Variants in GHDC observed in about 807,000 individuals in gnomAD.
GHDC encodes the protein GH3 domain containing.
GHDC carries 39 observed loss-of-function variants against 51.5 expected under a neutral mutation model. That is an observed-to-expected ratio of 0.76 (90% CI 0.59 to 0.99). GHDC has a LOEUF of 0.99. Ranked by LOEUF, GHDC falls within the 50% of genes least tolerant of loss-of-function variation. The pLI is 0.00. For synonymous variants in GHDC, 282 were observed against 305.2 expected (o/e 0.92, Z 0.79); for missense variants, 610 against 672.8 (o/e 0.91, Z 1.03).
At chr17:42,189,993 C>T (rs1273173535) in intron 9 of GHDC, 72 bp from the exon 10 acceptor site, 2 of 1,377,906 alleles carry the variant, frequency 1.5e-6, no homozygotes, top group East Asian at 5.0e-5. Context: ...GTGGCTGTGC[C>T]CAGGCTACAT....
At chr17:42,191,237 C>T (rs780666704) in intron 5 of GHDC, 27 bp from the exon 6 acceptor site, 38 of 1,476,442 alleles carry the variant, frequency 2.6e-5, no homozygotes, top group Non-Finnish European at 3.0e-5. Flanking sequence ...GCCTCCTCAG[C>T]GTCTGCTGGT....
At chr17:42,190,347 G>C (rs751857646) in intron 8 of GHDC, 77 bp from the exon 9 acceptor site, 1 of 1,612,554 alleles carries the variant, frequency 6.2e-7, no homozygotes, top group South Asian at 1.1e-5. Flanking sequence ...TGCCCTATCT[G>C]TTCTTCCCCA....
At position 42,189,800 on chromosome 17, in the gene GHDC, AG is replaced by A; in HGVS notation, c.1495del (p.Leu499SerfsTer65). ...QGAFRALRAALAACPSSPFPP... is the reference protein window; with the variant it reads ...QGAFRALRAAXAACPSSPFPP... ...GAAGGGGGAGGAGGGGCAGGCAGCGAGGGCTGCCCGGAGTGCTCGGAAGGCT... is the reference window on the plus strand; with the variant it reads ...GAAGGGGGAGGAGGGGCAGGCAGCGAGGCTGCCCGGAGTGCTCGGAAGGCT... On this transcript the variant is annotated frameshift_variant, in exon 10 of 10. Coordinates refer to ENST00000587427, the MANE Select transcript of GHDC (RefSeq NM_032484.5). LOFTEE classifies it high-confidence loss of function. 1 of 1,551,712 alleles carries A rather than the reference AG, an allele frequency of 6.4e-7. No individual in the cohort carries two copies.
rs190646764 is a variant in GHDC at position 42,192,424 on chromosome 17, G to T, written c.706C>A (p.Arg236=). The change falls in exon 5 of 10, where the codon CGG becomes AGG. Residue 236 remains arginine, a synonymous_variant. Transcript: ENST00000587427. ...AGGGCCTCCCGGAGCTCAGCTGCCC[G>T]TTCACGGAGAGGCGCTCCAGGGTTC... ...AGNPGAPLRE[R]AAELREALEQ... 8 of 1,613,120 alleles carry T rather than the reference G, an allele frequency of 5.0e-6. No individual in the cohort carries two copies. The highest frequency in any genetic ancestry group is 1.3e-5 in the African/African-American group (1 of 74,940).
In GHDC at chr17:42,191,077, G is replaced by T. The variant is rs757257046; in HGVS notation, c.1023C>A (p.Ala341=). ...CATACTCCTTGCCCTGCTGGGCCTC[G>T]GCCAAAAGGAGGGTGGAGGCAGCTT... ...QEEAASTLLL[A]EAQQGKEYEL... The change falls in exon 6 of 10, where the codon GCC becomes GCA. Residue 341 remains alanine, a synonymous_variant. Coordinates refer to ENST00000587427, the MANE Select transcript of GHDC (RefSeq NM_032484.5). 3 of 1,580,808 alleles carry T rather than the reference G, an allele frequency of 1.9e-6. No individual in the cohort carries two copies. Among genetic ancestry groups the T allele is most frequent in the Non-Finnish European group, 2.6e-6 (3 of 1,165,538 alleles).
rs148054668 is a variant in GHDC at position 42,189,472 on chromosome 17, C to T, written c.*231G>A. On this transcript the variant is annotated 3_prime_UTR_variant, in exon 10 of 10. Coordinates refer to ENST00000587427, the MANE Select transcript of GHDC (RefSeq NM_032484.5). ...AACTCTCTAGCAGTGTCCTTCATGC[C>T]GGGACATGGGGACACGGGCAGGCAC... is the stretch of plus-strand genomic sequence containing the variant. The T allele has an allele frequency of 4.1e-3, 1,693 of 414,228 alleles. 23 individuals are homozygous for T. The highest frequency in any genetic ancestry group is 0.032 in the African/African-American group (1,559 of 48,944). 25.7% of individuals were successfully genotyped at this position (414,228 alleles called of 1,614,324 possible). A position where few individuals can be genotyped will look rare whatever the true frequency, so the allele number is the denominator to read the frequency against.
At chr17:42,190,098 C>T in intron 9 of GHDC, 87 bp downstream of exon 9, 1 of 1,498,502 alleles carries the variant, frequency 6.7e-7, no homozygotes. Context: ...CACCCCTCTC[C>T]TTCCCATCAG....
chr17:42,190,422 G>T, intron 8 of GHDC, 152 bp from the exon 9 acceptor site: 1 of 1,514,742 alleles, frequency 6.6e-7, no homozygotes, highest in South Asian at 1.2e-5. Flanking sequence ...GAGGAACCTA[G>T]AGCTTGATCC....
Position 42,192,947 on chromosome 17 carries a change from G to T in GHDC, c.346C>A (p.Pro116Thr). The T allele has an allele frequency of 1.9e-6, 3 of 1,614,118 alleles. No homozygotes were observed. Among genetic ancestry groups the T allele is most frequent in the Non-Finnish European group, 2.5e-6 (3 of 1,180,004 alleles). ...CCAAGGTCCTGGTTTGAGGTCGGGG[G>T]CAGTGGCTGCTCTCCACTGTCTTCC... Reference protein sequence around the residue: ...QQEDSGEQPLPPTSNQDLGEA... With the variant: ...QQEDSGEQPLTPTSNQDLGEA... Residue 116 changes from proline to threonine, a missense_variant, in exon 4 of 10, where the codon CCC becomes ACC. By Grantham distance (38) the Pro-to-Thr change is conservative. Coordinates refer to ENST00000587427, the MANE Select transcript of GHDC (RefSeq NM_032484.5).
chr17:42,190,898 C>A lies in GHDC; in HGVS notation c.1088G>T (p.Arg363Leu), dbSNP rs368672520. The stretch of plus-strand genomic sequence containing the variant: ...AACCACTCGCACCACATCACCCAGG[C>A]GGCACCTGATGGGGTGCAAGTGGGA... ...LTDRASLTRC[R>L]LGDVVRVVGA... The change falls in exon 7 of 10, where the codon CGC (arginine) becomes CTC (leucine). Residue 363 changes from arginine to leucine, a missense_variant. Coordinates refer to ENST00000587427, the MANE Select transcript of GHDC (RefSeq NM_032484.5). The A allele has an allele frequency of 1.3e-5, 21 of 1,607,278 alleles. No homozygotes were observed. The highest frequency in any genetic ancestry group is 1.8e-5 in the Non-Finnish European group (21 of 1,177,740).
At position 42,192,270 on chromosome 17, in the gene GHDC, A is replaced by G; in HGVS notation, c.860T>C (p.Phe287Ser). The G allele has an allele frequency of 1.3e-6, 2 of 1,561,796 alleles. No homozygotes were observed. Among genetic ancestry groups the G allele is most frequent in the South Asian group, 1.2e-5 (1 of 82,718 alleles). The change falls in exon 5 of 10, where the codon TTC becomes TCC. Residue 287 changes from phenylalanine to serine, a missense_variant. Phe to Ser is a radical substitution (Grantham distance 155). Transcript: ENST00000587427. ...CGAGGCAGCATAAGCAGGAGAGAAG[A>G]AGGCTAGTCCTTGGCACCACAAGGC... ...LGALWCQGLA[F>S]FSPAYAASGG...
chr17:42,189,989 G>T, intron 9 of GHDC, 68 bp from the exon 10 acceptor site: 1 of 1,379,944 alleles, frequency 7.2e-7, no homozygotes, highest in Non-Finnish European at 9.8e-7. Context: ...GTGTGTGGCT[G>T]TGCCCAGGCT....
rs762581776 is a variant in GHDC, at chr17:42,190,820, G to A, written c.1154+12C>T. On this transcript the variant is annotated intron_variant, in intron 7 of 9. Coordinates refer to ENST00000587427, the MANE Select transcript of GHDC (RefSeq NM_032484.5). ...CACAAGGATGGCCCTTCAGCTCCCC[G>A]GGGTCACCTACCTGCAGATGAACCT... The A allele has an allele frequency of 4.8e-5, 77 of 1,613,484 alleles. No homozygotes were observed. The East Asian group carries it at 7.6e-4, about 16-fold the overall frequency.
Position 42,189,167 on chromosome 17 carries a change from C to G in GHDC, c.*536G>C. 2.5e-6 allele frequency: 1 copy of G among 398,528 alleles called. No homozygotes were observed. Among genetic ancestry groups the G allele is most frequent in the East Asian group, 3.6e-5 (1 of 28,076 alleles). The allele number at this position is 398,528 out of a possible 1,614,324, so 24.7% of individuals were successfully genotyped here. A position where few individuals can be genotyped will look rare whatever the true frequency, so the allele number is the denominator to read the frequency against. On this transcript the variant is annotated 3_prime_UTR_variant, in exon 10 of 10. Transcript: ENST00000587427. Reference sequence around the variant, plus strand: ...TGGGGAAGAGAGGGAAGGGAGAGCCCCCGCAGGAAGTACATGAATGAGTGG... The same window carrying G: ...TGGGGAAGAGAGGGAAGGGAGAGCCGCCGCAGGAAGTACATGAATGAGTGG...
chr17:42,190,866 A>T lies in GHDC; in HGVS notation c.1120T>A (p.Tyr374Asn), dbSNP rs1351329652. 1 of 1,612,242 alleles carries T rather than the reference A, an allele frequency of 6.2e-7. No homozygotes were observed. The highest frequency in any genetic ancestry group is 8.5e-7 in the Non-Finnish European group (1 of 1,179,492). Residue 374 changes from tyrosine to asparagine, a missense_variant, in exon 7 of 10, where the codon TAC (tyrosine) becomes AAC (asparagine). Coordinates refer to ENST00000587427, the MANE Select transcript of GHDC (RefSeq NM_032484.5). Reference protein sequence around the residue: ...LGDVVRVVGAYNQCPVVRFIC... With the variant: ...LGDVVRVVGANNQCPVVRFIC... ...AACCTGACGACTGGACACTGATTGT[A>T]GGCACCAACCACTCGCACCACATCA...
At chr17:42,193,126 C>A (rs1236972552) in intron 3 of GHDC, 99 bp from the exon 4 acceptor site, 2 of 1,579,784 alleles carry the variant, frequency 1.3e-6, no homozygotes, top group African/African-American at 2.7e-5. Context: ...CGAGAATAGG[C>A]CTGGGGTAGA....
intron 8 of GHDC, 138 bp from the exon 9 acceptor site, chr17:42,190,408 T>C (rs1313257755): frequency 1.9e-6 from 3 of 1,542,248 alleles, no homozygotes; most frequent in Non-Finnish European, 2.6e-6. Flanking sequence ...GTGGGGTAAA[T>C]GGAGAGGAAC....
chr17:42,191,287 C>T, intron 5 of GHDC, 77 bp from the exon 6 acceptor site: 1 of 1,356,520 alleles, frequency 7.4e-7, no homozygotes. Flanking sequence ...TCCTGGATCC[C>T]AGGCCTGATC....
chr17:42,189,487 C>T lies in GHDC; in HGVS notation c.*216G>A, dbSNP rs931988284. ...TCCTTCATGCCGGGACATGGGGACA[C>T]GGGCAGGCACTGCTGGCATCTGCTA... is the stretch of plus-strand genomic sequence containing the variant. On this transcript the variant is annotated 3_prime_UTR_variant, in exon 10 of 10. Coordinates refer to ENST00000587427, the MANE Select transcript of GHDC (RefSeq NM_032484.5). 1.9e-5 allele frequency: 8 copies of T among 416,688 alleles called. No homozygotes were observed. Among genetic ancestry groups the T allele is most frequent in the African/African-American group, 8.2e-5 (4 of 48,876 alleles). The allele number at this position is 416,688 out of a possible 1,614,324, so 25.8% of individuals were successfully genotyped here.
Sources: allele counts gnomAD v4.1 joint callset, GRCh38; gene constraint gnomAD v4.1.1; transcripts MANE v1.5; gene names NCBI Gene and HGNC (gene_info 2026-07-23, HGNC 2026-07-21).